The following UVRAG variants were observed in gnomAD, a reference collection of about 807,000 sequenced individuals.
UVRAG encodes UV radiation resistance-associated gene protein.
A neutral mutation model predicts 78.0 loss-of-function variants in UVRAG; 19 were observed. That is an observed-to-expected ratio of 0.24 (90% confidence interval 0.17 to 0.36). The LOEUF (loss-of-function observed/expected upper bound fraction) is 0.36, where lower values mean the gene tolerates loss of function less well. Among genes scored for constraint, UVRAG ranks in the 10% least tolerant of loss-of-function variants. The pLI is 1.00. For synonymous variants in UVRAG, 323 were observed against 324.6 expected (o/e 1.00, Z 0.05); for missense variants, 740 against 853.8 (o/e 0.87, Z 1.66).
intron 13 of UVRAG, among the ~76,000 whole-genome samples, chr11:76,070,183 T>C (rs888604383): frequency 1.3e-5 from 2 of 152,086 alleles, no homozygotes; most frequent in African/African-American, 4.8e-5. Context: ...TTATGCTAAG[T>C]GAAATAAGCC....
At chr11:76,125,258 GAA>G (rs1174101733) in intron 14 of UVRAG, among the ~76,000 whole-genome samples, 5 of 152,140 alleles carry the variant, frequency 3.3e-5, no homozygotes, top group Admixed American at 6.5e-5. Flanking sequence ...CCCCTAATAT[GAA>G]AAGTTAAGCC....
intron 12 of UVRAG, among the ~76,000 whole-genome samples, chr11:76,038,145 T>C (rs1227805570): frequency 6.6e-6 from 1 of 152,176 alleles, no homozygotes; most frequent in African/African-American, 2.4e-5. Context: ...ATCACATTGC[T>C]GTTAAGCTTT....
chr11:75,906,473 G>A (rs1232296822), intron 5 of UVRAG, among the ~76,000 whole-genome samples: 3 of 151,854 alleles, frequency 2.0e-5, no homozygotes, highest in Non-Finnish European at 2.9e-5. Context: ...CCAGCCTCCC[G>A]AGTAGCTGGG....
chr11:76,046,834 G>T (rs996172022), intron 12 of UVRAG, among the ~76,000 whole-genome samples: 2 of 152,180 alleles, frequency 1.3e-5, no homozygotes, highest in East Asian at 3.8e-4. Context: ...AAAGTGATGA[G>T]AATAATAAGC....
At chr11:75,951,544 G>T (rs1052641337) in intron 6 of UVRAG, among the ~76,000 whole-genome samples, 1 of 152,020 alleles carries the variant, frequency 6.6e-6, no homozygotes, top group Admixed American at 6.6e-5. Context: ...CATCACGCCT[G>T]GCTAATTTTG....
At chr11:75,893,670 CAAAAAAA>C (rs1048785134) in intron 5 of UVRAG, among the ~76,000 whole-genome samples, 36 of 60,394 alleles carry the variant, frequency 6.0e-4, no homozygotes, top group Middle Eastern at 0.013. Context: ...CTATCTCTAC[CAAAAAAA>C]AAAAAAAAAA....
intron 11 of UVRAG, among the ~76,000 whole-genome samples, 192 bp from the exon 12 acceptor site, chr11:76,016,623 A>G (rs1950149833): frequency 6.6e-6 from 1 of 152,174 alleles, no homozygotes; most frequent in African/African-American, 2.4e-5. Context: ...AGTTTAAAAT[A>G]CAGTTAGTAG....
At chr11:75,864,978 T>C (rs777305786) in intron 3 of UVRAG, among the ~76,000 whole-genome samples, 2 of 151,944 alleles carry the variant, frequency 1.3e-5, no homozygotes, top group African/African-American at 2.4e-5. Context: ...AAAGGAGACA[T>C]GGAAAAATGG....
At chr11:75,981,237 G>A (rs556341991) in intron 7 of UVRAG, among the ~76,000 whole-genome samples, 58 of 151,714 alleles carry the variant, frequency 3.8e-4, no homozygotes, top group African/African-American at 1.0e-3. Context: ...TCAGCCTCCC[G>A]AATAGCTGGG....
intron 3 of UVRAG, 68 bp from the exon 4 acceptor site, chr11:75,879,811 G>T: frequency 6.5e-7 from 1 of 1,549,866 alleles, no homozygotes; most frequent in East Asian, 2.3e-5. Flanking sequence ...AAAATGATTT[G>T]TCACCTAATT....
intron 8 of UVRAG, chr11:75,983,796 A>G (rs1217360252): frequency 7.4e-6 from 2 of 269,976 alleles, no homozygotes; most frequent in Non-Finnish European, 1.4e-5. Context: ...GTAGGCAACT[A>G]TAACACAATG....
intron 12 of UVRAG, among the ~76,000 whole-genome samples, chr11:76,055,560 T>G (rs1469336133): frequency 6.6e-6 from 1 of 152,220 alleles, no homozygotes; most frequent in African/African-American, 2.4e-5. Flanking sequence ...ATCTATTATA[T>G]CAACCTATTT....
At chr11:76,059,321 A>G (rs1270379012) in intron 12 of UVRAG, among the ~76,000 whole-genome samples, 1 of 152,192 alleles carries the variant, frequency 6.6e-6, no homozygotes. Flanking sequence ...AGACTAGAAA[A>G]ACTATGTCTT....
intron 14 of UVRAG, among the ~76,000 whole-genome samples, chr11:76,139,685 T>C (rs1237958351): frequency 6.6e-6 from 1 of 152,210 alleles, no homozygotes; most frequent in East Asian, 1.9e-4. Flanking sequence ...GCATAGTGTA[T>C]AACATAGCCA....
At chr11:76,125,928 A>C (rs1591264703) in intron 14 of UVRAG, among the ~76,000 whole-genome samples, 1 of 151,872 alleles carries the variant, frequency 6.6e-6, no homozygotes, top group East Asian at 1.9e-4. Flanking sequence ...CATACATATA[A>C]ATTTAAATAT....
chr11:76,078,348 G>C (rs527243998), intron 13 of UVRAG, among the ~76,000 whole-genome samples: 1 of 152,204 alleles, frequency 6.6e-6, no homozygotes, highest in South Asian at 2.1e-4. Context: ...TTGAAAGAGA[G>C]ACTACTTTCA....
intron 8 of UVRAG, among the ~76,000 whole-genome samples, chr11:75,999,995 T>C (rs1487597885): frequency 6.6e-6 from 1 of 152,154 alleles, no homozygotes; most frequent in Non-Finnish European, 1.5e-5. Flanking sequence ...TAAAGATACA[T>C]TTTGTGAACT....
chr11:75,828,700 T>C (rs1945575425), intron 1 of UVRAG, among the ~76,000 whole-genome samples: 1 of 7,406 alleles, frequency 1.4e-4, no homozygotes, highest in Non-Finnish European at 9.1e-4. Flanking sequence ...TGTGTGTGTA[T>C]ATATATATAT....
intron 13 of UVRAG, among the ~76,000 whole-genome samples, chr11:76,075,438 C>G (rs890033357): frequency 6.6e-6 from 1 of 152,034 alleles, no homozygotes; most frequent in Non-Finnish European, 1.5e-5. Flanking sequence ...TGGTGAAACC[C>G]TGTCTCTACT....
Sources: gnomAD v4.1 joint callset for allele counts (sites outside exome capture counted in the v4.1 genomes callset) on GRCh38, gnomAD v4.1.1 for gene constraint, MANE v1.5 for transcripts, NCBI Gene and HGNC (gene_info 2026-07-23, HGNC 2026-07-21) for gene names.